ZNF442: variants seen among roughly 807,000 people sequenced by gnomAD.
ZNF442 encodes the protein zinc finger protein 442.
Under a neutral mutation model 57.0 loss-of-function variants are expected in ZNF442, and 45 were observed. The observed-to-expected ratio is 0.79, with a 90% CI of 0.62 to 1.01. The LOEUF is 1.01. Ranked by LOEUF, ZNF442 falls within the 50% of genes least tolerant of loss-of-function variation. ZNF442 has a pLI of 0.00. For synonymous variants in ZNF442, 213 were observed against 241.8 expected (o/e 0.88, Z 1.10); for missense variants, 690 against 756.5 (o/e 0.91, Z 1.03).
chr19:12,369,725 G>A (rs752502145), upstream of ZNF442, among the ~76,000 whole-genome samples: 6 of 151,664 alleles, frequency 4.0e-5, no homozygotes, highest in African/African-American at 9.7e-5. Context: ...GTGAAACCCC[G>A]TCTCTACTAA....
chr19:12,359,905 G>T (rs767038309), intron 3 of ZNF442, among the ~76,000 whole-genome samples: 6 of 151,988 alleles, frequency 3.9e-5, no homozygotes, highest in Non-Finnish European at 8.8e-5. Flanking sequence ...TTAAACCCGG[G>T]AGGTGGAGGT....
At position 12,347,384 on chromosome 19, in the gene ZNF442, A is replaced by C. The variant is rs1246453054; in HGVS notation, c.*2317T>G. ...ACTACTTCATTGGGTGTTGGAAACCATTATGGAGTGAGGAAGTCAATGATT... is the reference window on the plus strand; with the variant it reads ...ACTACTTCATTGGGTGTTGGAAACCCTTATGGAGTGAGGAAGTCAATGATT... On this transcript the variant is annotated 3_prime_UTR_variant, in exon 6 of 6. Transcript: ENST00000242804. The C allele has an allele frequency of 6.6e-6, 1 of 152,206 alleles. No homozygotes were observed. The highest frequency in any genetic ancestry group is 1.5e-5 in the Non-Finnish European group (1 of 68,030). The allele number at this position is 152,206 out of a possible 1,614,324, so 9.4% of individuals were successfully genotyped here.
chr19:12,365,516 G>A lies in ZNF442; in HGVS notation c.-483+17C>T, dbSNP rs556951895. 20 of 566,060 alleles carry A rather than the reference G, an allele frequency of 3.5e-5. No homozygotes were observed. Among genetic ancestry groups the A allele is most frequent in the Non-Finnish European group, 5.3e-5 (17 of 319,116 alleles). The allele number at this position is 566,060 out of a possible 1,614,324, so 35.1% of individuals were successfully genotyped here. On this transcript the variant is annotated intron_variant, in intron 1 of 5. Coordinates refer to ENST00000242804, the MANE Select transcript of ZNF442 (RefSeq NM_030824.3). ...GTCCTTCGCCCTGCCCCAGGACGCC[G>A]GGCCCCGCACACTCACCATTTCCCG...
At chr19:12,353,809 G>C (rs1409056518) in intron 3 of ZNF442, among the ~76,000 whole-genome samples, 2 of 152,118 alleles carry the variant, frequency 1.3e-5, no homozygotes, top group Non-Finnish European at 2.9e-5. Flanking sequence ...AGAAAATCAA[G>C]ATTAATCCAT....
intron 3 of ZNF442, among the ~76,000 whole-genome samples, chr19:12,353,754 G>C (rs1175199931): frequency 6.6e-6 from 1 of 152,236 alleles, no homozygotes; most frequent in African/African-American, 2.4e-5. Flanking sequence ...AGTAATGAAA[G>C]ATGGCGCTTG....
intron 3 of ZNF442, among the ~76,000 whole-genome samples, chr19:12,360,870 A>C (rs771068921): frequency 1.6e-4 from 25 of 152,158 alleles, no homozygotes; most frequent in Non-Finnish European, 3.4e-4. Flanking sequence ...ACAGAGCAAG[A>C]TTCCATCTCA....
At chr19:12,361,750 C>T (rs983793845) in intron 3 of ZNF442, among the ~76,000 whole-genome samples, 25 of 150,718 alleles carry the variant, frequency 1.7e-4, no homozygotes, top group African/African-American at 5.9e-4. Flanking sequence ...TCTCCCTCCA[C>T]GGTCTCCCTC....
intron 3 of ZNF442, among the ~76,000 whole-genome samples, chr19:12,363,234 CT>C (rs899220882): frequency 1.3e-5 from 2 of 151,652 alleles, no homozygotes; most frequent in African/African-American, 4.9e-5. Flanking sequence ...TATTTCTGGC[CT>C]CTATGGAAAT....
chr19:12,361,714 G>A (rs1162405653), intron 3 of ZNF442, among the ~76,000 whole-genome samples: 4 of 69,906 alleles, frequency 5.7e-5, no homozygotes, highest in South Asian at 1.1e-3. Context: ...CTGTCCCCAC[G>A]GTCTCCCTCT....
rs1266506474 is a variant in ZNF442, at chr19:12,350,921, T to A, written c.664A>T (p.Ser222Cys). 6.2e-7 allele frequency: 1 copy of A among 1,614,162 alleles called. No individual in the cohort carries two copies. The highest frequency in any genetic ancestry group is 1.1e-5 in the South Asian group (1 of 91,086). ...KLCGKAFFWP[S>C]LFRMHERTHT... Reference sequence around the variant, plus strand: ...GTTCTTTCATGCATACGAAATAAACTAGGCCAAAAAAAGGCTTTCCCACAC... The same window carrying A: ...GTTCTTTCATGCATACGAAATAAACAAGGCCAAAAAAAGGCTTTCCCACAC... The change falls in exon 6 of 6, where the codon AGT becomes TGT. Residue 222 changes from serine (S) to cysteine (C), a missense_variant. Transcript: ENST00000242804.
chr19:12,369,673 G>A (rs570382887), upstream of ZNF442, among the ~76,000 whole-genome samples: 12 of 152,100 alleles, frequency 7.9e-5, no homozygotes, highest in African/African-American at 2.7e-4. Context: ...TGAGGCAGGC[G>A]GATCACGAGG....
upstream of ZNF442, among the ~76,000 whole-genome samples, chr19:12,370,734 G>T (rs1969573640): frequency 6.6e-6 from 1 of 152,078 alleles, no homozygotes; most frequent in Admixed American, 6.5e-5. Context: ...CAGCACCTTG[G>T]CAGGCCGAGG....
rs150152603 is a variant in ZNF442 at position 12,349,883 on chromosome 19, C to T, written c.1702G>A (p.Gly568Arg). Residue 568 changes from glycine to arginine, a missense_variant, in exon 6 of 6, where the codon GGA becomes AGA. By Grantham distance (125) the Gly-to-Arg change is moderately radical (BLOSUM62 -2). Transcript: ENST00000242804. ...TGTTGACATTCATAAGATTTCTTTC[C>T]AGTGTGAATTCTTTCATGTCGCAGA... ...CLLRHERIHT[G>R]KKSYECQQCG... 114 of 1,613,658 alleles carry T rather than the reference C, an allele frequency of 7.1e-5. No homozygotes were observed. Among genetic ancestry groups the T allele is most frequent in the Middle Eastern group, 1.6e-4 (1 of 6,062 alleles).
At chr19:12,353,158 A>G (rs768262097) in intron 3 of ZNF442, 44 bp from the exon 4 acceptor site, 2 of 1,541,604 alleles carry the variant, frequency 1.3e-6, no homozygotes, top group East Asian at 2.3e-5. Flanking sequence ...TGAGACTGAT[A>G]GTACCAAAAA....
chr19:12,352,481 C>T (rs928371966), intron 4 of ZNF442, among the ~76,000 whole-genome samples: 1 of 152,140 alleles, frequency 6.6e-6, no homozygotes, highest in African/African-American at 2.4e-5. Flanking sequence ...GCTGGGATTA[C>T]AGGCGTGAGC....
At chr19:12,369,796 C>T (rs2144856582), upstream of ZNF442, among the ~76,000 whole-genome samples, 1 of 151,942 alleles carries the variant, frequency 6.6e-6, no homozygotes, top group East Asian at 1.9e-4. Context: ...ATCCCAGCTA[C>T]TCAGGAGGCT....
In ZNF442 at chr19:12,349,838, G is replaced by T; in HGVS notation, c.1747C>A (p.Arg583Ser). ...TCATGTCCTCGAAGGAAACGAGAACGAGTGAAGGCTTTACCACATTGTTGA... is the reference window on the plus strand; with the variant it reads ...TCATGTCCTCGAAGGAAACGAGAACTAGTGAAGGCTTTACCACATTGTTGA... ...ECQQCGKAFT[R>S]SRFLRGHEKT... The change falls in exon 6 of 6, where the codon CGT becomes AGT. Residue 583 changes from arginine (R) to serine (S), a missense_variant. By Grantham distance (110) the Arg-to-Ser change is moderately radical. Transcript: ENST00000242804. 2 of 1,610,172 alleles carry T rather than the reference G, an allele frequency of 1.2e-6. No homozygotes were observed. Among genetic ancestry groups the T allele is most frequent in the Non-Finnish European group, 8.5e-7 (1 of 1,178,620 alleles).
intron 3 of ZNF442, among the ~76,000 whole-genome samples, chr19:12,361,678 CCCTCTG>C (rs1210949714): frequency 1.3e-5 from 2 of 149,358 alleles, no homozygotes; most frequent in African/African-American, 4.9e-5. Context: ...CTCCCCCTCC[CCCTCTG>C]CCTCCCCCTC....
At chr19:12,366,175 A>C (rs986056618), upstream of ZNF442, among the ~76,000 whole-genome samples, 1 of 152,240 alleles carries the variant, frequency 6.6e-6, no homozygotes, top group Non-Finnish European at 1.5e-5. Context: ...ACTCATTCTC[A>C]GACCAGAAAA....
Sources: allele counts gnomAD v4.1 joint callset (sites outside exome capture counted in the v4.1 genomes callset), GRCh38; gene constraint gnomAD v4.1.1; transcripts MANE v1.5; gene names NCBI Gene and HGNC (gene_info 2026-07-23, HGNC 2026-07-21).